Variants in ACTR3C observed in about 807,000 individuals in gnomAD.
ACTR3C encodes the protein actin-related protein 3C.
A neutral mutation model predicts 26.3 loss-of-function variants in ACTR3C; 18 were observed. The ratio of observed to expected loss-of-function variants is 0.68; its 90% CI spans 0.47 to 1.01. The LOEUF (loss-of-function observed/expected upper bound fraction) is 1.01, where lower values mean the gene tolerates loss of function less well. Ranked by LOEUF, ACTR3C falls within the 50% of genes least tolerant of loss-of-function variation. ACTR3C has a pLI of 0.00. For synonymous variants in ACTR3C, 55 were observed against 94.5 expected (o/e 0.58, Z 2.42); for missense variants, 184 against 250.7 (o/e 0.73, Z 1.80).
At chr7:149,933,578 C>T in the ACTR3C span, among the ~76,000 whole-genome samples, 1 of 152,162 alleles carries the variant, frequency 6.6e-6, no homozygotes, top group Admixed American at 6.5e-5. Context: ...CAACAAAAAG[C>T]CATGAGCAAG....
chr7:149,955,845 G>A, the ACTR3C span, among the ~76,000 whole-genome samples: 2 of 152,126 alleles, frequency 1.3e-5, no homozygotes, highest in African/African-American at 4.8e-5. Flanking sequence ...CAGCAGGTAA[G>A]CAGACTCAGC....
downstream of ACTR3C, among the ~76,000 whole-genome samples, chr7:150,242,218 A>C: frequency 6.6e-6 from 1 of 150,974 alleles, no homozygotes; most frequent in Non-Finnish European, 1.5e-5. Flanking sequence ...CTTGTCTCAA[A>C]AAAAAAAAAA....
At chr7:150,241,193 A>G (rs979856920), downstream of ACTR3C, among the ~76,000 whole-genome samples, 1 of 152,202 alleles carries the variant, frequency 6.6e-6, no homozygotes, top group African/African-American at 2.4e-5. Flanking sequence ...TATAAAATAC[A>G]AAATGATTTT....
chr7:150,199,365 G>A, the ACTR3C span, among the ~76,000 whole-genome samples: 1 of 118,322 alleles, frequency 8.5e-6, no homozygotes, highest in South Asian at 3.0e-4. Flanking sequence ...ATGGATTAAG[G>A]GCGGTGCAAG....
the ACTR3C span, among the ~76,000 whole-genome samples, chr7:150,118,966 A>G: frequency 2.6e-5 from 4 of 151,962 alleles, no homozygotes; most frequent in African/African-American, 9.7e-5. Context: ...CTCAACCCAG[A>G]ATTTCATATC....
the ACTR3C span, among the ~76,000 whole-genome samples, chr7:149,982,117 A>C: frequency 1.3e-5 from 2 of 152,198 alleles, no homozygotes; most frequent in East Asian, 3.9e-4. Flanking sequence ...CACTTCCAAA[A>C]GTGGAACTCT....
At chr7:150,312,730 G>A (rs1029855911) in intron 1 of ACTR3C, among the ~76,000 whole-genome samples, 5 of 152,120 alleles carry the variant, frequency 3.3e-5, no homozygotes, top group South Asian at 2.1e-4. Flanking sequence ...GAGAAACATC[G>A]CCCCTACCCC....
At chr7:150,259,287 AAG>A (rs1231387658) in intron 6 of ACTR3C, among the ~76,000 whole-genome samples, 1 of 150,910 alleles carries the variant, frequency 6.6e-6, no homozygotes, top group Non-Finnish European at 1.5e-5. Flanking sequence ...GAAAGAAAGA[AAG>A]AAAAAGAAAG....
chr7:150,278,466 C>T (rs1225858111), intron 6 of ACTR3C, among the ~76,000 whole-genome samples: 1 of 152,234 alleles, frequency 6.6e-6, no homozygotes, highest in Non-Finnish European at 1.5e-5. Flanking sequence ...CTCCTGTCCA[C>T]ACGGAGGCCC....
At chr7:150,170,728 T>C in the ACTR3C span, among the ~76,000 whole-genome samples, 1 of 150,556 alleles carries the variant, frequency 6.6e-6, no homozygotes, top group Non-Finnish European at 1.5e-5. Context: ...GTTTAAAGGT[T>C]CACTTCCAGG....
chr7:149,947,997 C>T, the ACTR3C span, among the ~76,000 whole-genome samples: 1 of 151,344 alleles, frequency 6.6e-6, no homozygotes, highest in African/African-American at 2.4e-5. Flanking sequence ...AAACCCACAT[C>T]ACTTGTATCA....
At chr7:150,069,449 A>C in the ACTR3C span, among the ~76,000 whole-genome samples, 1 of 152,218 alleles carries the variant, frequency 6.6e-6, no homozygotes, top group African/African-American at 2.4e-5. Context: ...AATTAAAAAA[A>C]TAGTTTATCT....
the ACTR3C span, among the ~76,000 whole-genome samples, chr7:150,035,300 C>T: frequency 1.6e-4 from 8 of 50,056 alleles, 4 homozygotes; most frequent in East Asian, 4.0e-3. Context: ...GCCTCCCCCC[C>T]CTTGCGATGG....
At chr7:150,078,160 G>T in the ACTR3C span, among the ~76,000 whole-genome samples, 1 of 152,038 alleles carries the variant, frequency 6.6e-6, no homozygotes, top group African/African-American at 2.4e-5. Flanking sequence ...GTTTTTCCTG[G>T]CCTCTACTTT....
the ACTR3C span, among the ~76,000 whole-genome samples, chr7:150,082,050 C>G: frequency 6.6e-6 from 1 of 152,062 alleles, no homozygotes; most frequent in African/African-American, 2.4e-5. Context: ...TGGGAACTGC[C>G]TGGAAGGCTC....
At chr7:150,122,663 T>C in the ACTR3C span, among the ~76,000 whole-genome samples, 2 of 152,192 alleles carry the variant, frequency 1.3e-5, no homozygotes, top group Non-Finnish European at 2.9e-5. Flanking sequence ...GTTCAACCAT[T>C]GTGGAAGACA....
chr7:150,322,088 C>T lies in ACTR3C; in HGVS notation c.-52+1381G>A, dbSNP rs547349593. The stretch of plus-strand genomic sequence containing the variant: ...GCTCGTCCAGGGAACATGACTTCTT[C>T]GGCTCCCACACAATTTGTAGCTGCA... On this transcript the variant is annotated intron_variant, in intron 1 of 7. Coordinates refer to ENST00000683684, the MANE Select transcript of ACTR3C (RefSeq NM_001164458.2). 5.3e-5 allele frequency among the ~76,000 whole-genome samples: 8 copies of T among 152,330 alleles called. No individual in the cohort carries two copies. In the East Asian group the frequency reaches 9.6e-4, roughly 18 times the overall value.
At chr7:150,023,144 GATATCTATAT>G in the ACTR3C span, among the ~76,000 whole-genome samples, 3 of 71,540 alleles carry the variant, frequency 4.2e-5, no homozygotes, top group African/African-American at 8.6e-5. Flanking sequence ...CATATATATA[GATATCTATAT>G]AGATATCTAT....
chr7:150,053,274 A>G, the ACTR3C span, among the ~76,000 whole-genome samples: 16 of 151,550 alleles, frequency 1.1e-4, no homozygotes, highest in African/African-American at 3.4e-4. Context: ...ATTAAACGAG[A>G]TATGACTTCT....
Sources: allele counts gnomAD v4.1 joint callset (sites outside exome capture counted in the v4.1 genomes callset), GRCh38; gene constraint gnomAD v4.1.1; transcripts MANE v1.5; gene names NCBI Gene and HGNC (gene_info 2026-07-23, HGNC 2026-07-21).